CLYBL: variants seen among roughly 807,000 people sequenced by gnomAD.
CLYBL encodes citramalyl-CoA lyase, mitochondrial.
CLYBL carries 31 observed loss-of-function variants against 38.9 expected under a neutral mutation model. The observed-to-expected ratio is 0.80, with a 90% CI of 0.60 to 1.08. The LOEUF (loss-of-function observed/expected upper bound fraction) is 1.08, where lower values mean the gene tolerates loss of function less well. Among genes scored for constraint, CLYBL ranks in the 50% least tolerant of loss-of-function variants. The pLI is 0.00. For synonymous variants in CLYBL, 171 were observed against 158.6 expected, an observed-to-expected ratio of 1.08 and a Z score of -0.59; for missense variants, 434 against 411.6, an observed-to-expected ratio of 1.05 and a Z score of -0.47.
At chr13:99,850,490 A>G (rs530848331) in intron 2 of CLYBL, among the ~76,000 whole-genome samples, 1 of 152,216 alleles carries the variant, frequency 6.6e-6, no homozygotes, top group African/African-American at 2.4e-5. Flanking sequence ...GGCTGTGACC[A>G]AAAACAAACC....
intron 1 of CLYBL, among the ~76,000 whole-genome samples, chr13:99,663,704 T>C (rs749427262): frequency 6.6e-6 from 1 of 152,166 alleles, no homozygotes; most frequent in Non-Finnish European, 1.5e-5. Flanking sequence ...CAAAGAGAGC[T>C]TGTCACCTTT....
intron 1 of CLYBL, among the ~76,000 whole-genome samples, chr13:99,715,803 C>T (rs188533571): frequency 3.4e-4 from 52 of 152,126 alleles, no homozygotes; most frequent in East Asian, 5.8e-4. Flanking sequence ...TCTCAGGTCC[C>T]GGGGCTGCAG....
At chr13:99,634,230 A>G (rs2046988597) in intron 1 of CLYBL, among the ~76,000 whole-genome samples, 1 of 152,230 alleles carries the variant, frequency 6.6e-6, no homozygotes, top group African/African-American at 2.4e-5. Flanking sequence ...CAAAATATCA[A>G]CCCAGGGTTC....
intron 2 of CLYBL, among the ~76,000 whole-genome samples, chr13:99,812,969 G>A (rs574949775): frequency 3.9e-5 from 6 of 152,236 alleles, no homozygotes; most frequent in African/African-American, 9.6e-5. Context: ...TTTTCTATGC[G>A]CGTGGCTGAT....
chr13:99,830,983 A>G (rs1308413512), intron 2 of CLYBL, among the ~76,000 whole-genome samples: 1 of 152,190 alleles, frequency 6.6e-6, no homozygotes, highest in East Asian at 1.9e-4. Flanking sequence ...GAAATCAGAG[A>G]CACACAGAGG....
intron 7 of CLYBL, among the ~76,000 whole-genome samples, chr13:99,886,468 G>C (rs1170532175): frequency 6.6e-6 from 1 of 152,246 alleles, no homozygotes; most frequent in Admixed American, 6.5e-5. Context: ...GATGGTGACT[G>C]TTTCCTTCCT....
At chr13:99,675,483 C>G (rs908580066) in intron 1 of CLYBL, among the ~76,000 whole-genome samples, 1 of 152,206 alleles carries the variant, frequency 6.6e-6, no homozygotes, top group African/African-American at 2.4e-5. Context: ...ACTGTTTCTT[C>G]AGCCCCAAAA....
At chr13:99,650,567 T>C (rs1187682813) in intron 1 of CLYBL, among the ~76,000 whole-genome samples, 1 of 152,180 alleles carries the variant, frequency 6.6e-6, no homozygotes, top group Non-Finnish European at 1.5e-5. Context: ...TTGGCTCAGG[T>C]ACATGTGCTC....
chr13:99,891,606 C>T, intron 8 of CLYBL, 169 bp downstream of exon 8: 1 of 530,782 alleles, frequency 1.9e-6, no homozygotes, highest in South Asian at 2.6e-5. Context: ...AACGCTTTTC[C>T]CTTTGGATCC....
chr13:99,663,573 G>A (rs1566602828), intron 1 of CLYBL, among the ~76,000 whole-genome samples: 1 of 152,162 alleles, frequency 6.6e-6, no homozygotes, highest in Non-Finnish European at 1.5e-5. Context: ...GCCTTGGTTT[G>A]TGGGGACCAT....
At chr13:99,861,379 G>A (rs974246079) in intron 3 of CLYBL, among the ~76,000 whole-genome samples, 1 of 152,070 alleles carries the variant, frequency 6.6e-6, no homozygotes, top group Non-Finnish European at 1.5e-5. Flanking sequence ...CATGATTTTT[G>A]TAGTTATAAC....
rs577030886 is a variant in CLYBL at position 99,857,691 on chromosome 13, C to T, written c.250-1170C>T. ...ATCTGTCTGGTTTAAATCTGCTGTC[C>T]TGGGTTGTCTTGTTGCTGGGACTTA... On this transcript the variant is annotated intron_variant, in intron 2 of 8. Coordinates refer to ENST00000339105, the MANE Select transcript of CLYBL (RefSeq NM_206808.5). 1.4e-4 allele frequency among the ~76,000 whole-genome samples: 22 copies of T among 152,296 alleles called. No individual in the cohort carries two copies. The South Asian group carries it at 3.7e-3, about 26-fold the overall frequency.
At chr13:99,710,360 A>G (rs2048211920) in intron 1 of CLYBL, among the ~76,000 whole-genome samples, 2 of 152,180 alleles carry the variant, frequency 1.3e-5, no homozygotes, top group Non-Finnish European at 2.9e-5. Context: ...ACGGGGCCGC[A>G]CATGGCATTT....
At chr13:99,777,539 C>T (rs1002234109) in intron 2 of CLYBL, among the ~76,000 whole-genome samples, 1 of 150,022 alleles carries the variant, frequency 6.7e-6, no homozygotes, top group African/African-American at 2.5e-5. Context: ...GTTGCCCAGG[C>T]TAGAGTGCAA....
At chr13:99,609,846 C>A (rs945438818) in intron 1 of CLYBL, among the ~76,000 whole-genome samples, 5 of 152,190 alleles carry the variant, frequency 3.3e-5, no homozygotes, top group African/African-American at 1.2e-4. Flanking sequence ...CTTTTCTATA[C>A]TTTCTATCTC....
chr13:99,630,943 C>G (rs544881887), intron 1 of CLYBL, among the ~76,000 whole-genome samples: 2 of 152,230 alleles, frequency 1.3e-5, no homozygotes, highest in East Asian at 3.9e-4. Flanking sequence ...GTTTCTGAAG[C>G]ATGTTTGCTG....
At chr13:99,733,221 C>T (rs1594147245) in intron 1 of CLYBL, among the ~76,000 whole-genome samples, 1 of 151,642 alleles carries the variant, frequency 6.6e-6, no homozygotes, top group Non-Finnish European at 1.5e-5. Flanking sequence ...CTTTTAAGAT[C>T]TCATAATCCC....
chr13:99,724,879 C>T (rs554295439), intron 1 of CLYBL, among the ~76,000 whole-genome samples: 31 of 152,276 alleles, frequency 2.0e-4, no homozygotes, highest in Non-Finnish European at 3.5e-4. Context: ...TAGGGCGTGT[C>T]GTTGGGGTCA....
chr13:99,774,768 A>G (rs558381007), intron 2 of CLYBL, among the ~76,000 whole-genome samples: 1 of 152,344 alleles, frequency 6.6e-6, no homozygotes, highest in African/African-American at 2.4e-5. Flanking sequence ...TGTCTACTCA[A>G]CATCTTTGGC....
Sources: gnomAD v4.1 joint callset for allele counts (sites outside exome capture counted in the v4.1 genomes callset) on GRCh38, gnomAD v4.1.1 for gene constraint, MANE v1.5 for transcripts, NCBI Gene and HGNC (gene_info 2026-07-23, HGNC 2026-07-21) for gene names.